Variants in NDFIP1 observed in about 807,000 individuals in gnomAD.
NDFIP1 encodes Nedd4 family interacting protein 1.
A neutral mutation model predicts 28.8 loss-of-function variants in NDFIP1; 7 were observed. That is an observed-to-expected ratio of 0.24 (90% CI 0.14 to 0.46). NDFIP1 has a LOEUF of 0.46. NDFIP1 is among the 20% of genes least tolerant of loss of function. NDFIP1 has a pLI of 0.99. For missense variants in NDFIP1, 194 were observed against 269.1 expected, an observed-to-expected ratio of 0.72 and a Z score of 1.95; for synonymous variants, 92 against 101.0, an observed-to-expected ratio of 0.91 and a Z score of 0.53.
intron 1 of NDFIP1, among the ~76,000 whole-genome samples, chr5:142,119,340 T>G (rs1757100203): frequency 6.6e-6 from 1 of 152,258 alleles, no homozygotes; most frequent in African/African-American, 2.4e-5. Flanking sequence ...GGAAATAGTA[T>G]TATAACCACT....
At chr5:142,141,337 G>T (rs1460215998) in intron 6 of NDFIP1, among the ~76,000 whole-genome samples, 1 of 151,422 alleles carries the variant, frequency 6.6e-6, no homozygotes, top group South Asian at 2.1e-4. Flanking sequence ...CACCACGCCC[G>T]GCTAATTTTT....
intron 6 of NDFIP1, among the ~76,000 whole-genome samples, chr5:142,141,482 A>G (rs1757331840): frequency 6.6e-6 from 1 of 151,800 alleles, no homozygotes; most frequent in African/African-American, 2.4e-5. Flanking sequence ...GGCCTGGATT[A>G]TATTTTTTAC....
intron 3 of NDFIP1, among the ~76,000 whole-genome samples, chr5:142,133,589 G>A (rs887698317): frequency 3.3e-5 from 5 of 152,172 alleles, no homozygotes; most frequent in African/African-American, 1.2e-4. Flanking sequence ...CTGCAGATCT[G>A]TTGCAATATA....
In NDFIP1 at chr5:142,140,127, C is replaced by T. The variant is rs181118624; in HGVS notation, c.496-436C>T. Among the ~76,000 whole-genome samples the T allele has an allele frequency of 2.0e-5, 3 of 152,072 alleles. No homozygotes were observed. In the East Asian group the frequency reaches 5.8e-4, roughly 29 times the overall value. On this transcript the variant is annotated intron_variant, in intron 5 of 7. Coordinates refer to ENST00000253814, the MANE Select transcript of NDFIP1 (RefSeq NM_030571.4). The stretch of plus-strand genomic sequence containing the variant: ...CTTTCACTTATATTTTAAAATTATT[C>T]TAAAGGCTAAGTGATGGCATTGGTA...
intron 1 of NDFIP1, 90 bp from the exon 2 acceptor site, chr5:142,131,717 GC>G: frequency 4.2e-6 from 4 of 954,300 alleles, no homozygotes; most frequent in Non-Finnish European, 6.0e-6. Flanking sequence ...TTGCCAAATA[GC>G]TTTCGAGAAA....
chr5:142,129,858 C>A (rs1561601146), intron 1 of NDFIP1, among the ~76,000 whole-genome samples: 1 of 149,000 alleles, frequency 6.7e-6, no homozygotes, highest in Non-Finnish European at 1.5e-5. Context: ...TTTCAGTGAG[C>A]CGAGATCCCA....
rs115271471 is a variant in NDFIP1, at chr5:142,119,573, T to C, written c.63+10536T>C. Among the ~76,000 whole-genome samples the C allele has an allele frequency of 8.2e-3, 1,254 of 152,352 alleles. 19 individuals are homozygous for C. The highest frequency in any genetic ancestry group is 0.029 in the African/African-American group (1,203 of 41,582). On this transcript the variant is annotated intron_variant, in intron 1 of 7. Transcript: ENST00000253814. Reference sequence around the variant, plus strand: ...ACCTTGAGATTCTTTCTTTGTGCTATCAAGTTCTATAAATTTTCACAAATG... The same window carrying C: ...ACCTTGAGATTCTTTCTTTGTGCTACCAAGTTCTATAAATTTTCACAAATG...
intron 3 of NDFIP1, 117 bp downstream of exon 3, chr5:142,132,459 T>C: frequency 7.7e-7 from 1 of 1,293,524 alleles, no homozygotes; most frequent in South Asian, 1.5e-5. Flanking sequence ...AGAGCTAATT[T>C]TAAAAATCAG....
intron 7 of NDFIP1, among the ~76,000 whole-genome samples, chr5:142,147,904 A>G (rs1757407009): frequency 6.6e-6 from 1 of 152,220 alleles, no homozygotes. Flanking sequence ...TGCAAGTAGA[A>G]AGCTGGGAAT....
chr5:142,125,625 G>T (rs1757162933), intron 1 of NDFIP1, among the ~76,000 whole-genome samples: 1 of 152,202 alleles, frequency 6.6e-6, no homozygotes, highest in African/African-American at 2.4e-5. Flanking sequence ...CTCCCAAAGT[G>T]CTGGGATTGC....
Position 142,140,610 on chromosome 5 carries a change from G to A in NDFIP1, c.543G>A (p.Trp181Ter). The change falls in exon 6 of 8, where the codon TGG (tryptophan) becomes TGA (stop). Residue 181 changes from tryptophan to a stop codon, truncating the protein, a stop_gained. Transcript: ENST00000253814. LOFTEE classifies it high-confidence loss of function. The stretch of plus-strand genomic sequence containing the variant: ...ATTTTGATGGTCAGTACTGGCTCTG[G>A]TGGGTGTTCCTTGTTTTAGGTAAGT... ...PGYFDGQYWL[W>*]WVFLVLGFLL... is the part of the protein sequence containing the mutation. 2 of 1,612,022 alleles carry A rather than the reference G, an allele frequency of 1.2e-6. No individual in the cohort carries two copies. Among genetic ancestry groups the A allele is most frequent in the Non-Finnish European group, 1.7e-6 (2 of 1,179,316 alleles).
At chr5:142,125,579 C>CA (rs1757162551) in intron 1 of NDFIP1, among the ~76,000 whole-genome samples, 1 of 152,116 alleles carries the variant, frequency 6.6e-6, no homozygotes, top group African/African-American at 2.4e-5. Context: ...AGGCTGGTCT[C>CA]AGACTCCTGG....
chr5:142,141,405 T>C (rs1284741924), intron 6 of NDFIP1, among the ~76,000 whole-genome samples: 1 of 151,874 alleles, frequency 6.6e-6, no homozygotes, highest in Non-Finnish European at 1.5e-5. Flanking sequence ...CTCGATCTCC[T>C]GACTTTGTGA....
At chr5:142,126,955 A>G (rs1050347965) in intron 1 of NDFIP1, among the ~76,000 whole-genome samples, 6 of 151,854 alleles carry the variant, frequency 4.0e-5, no homozygotes, top group Non-Finnish European at 2.9e-5. Context: ...TTTAATAACA[A>G]TAGGACCTAG....
intron 6 of NDFIP1, chr5:142,142,917 C>CAAAAAAAAAA (rs1171333662): frequency 6.9e-5 from 3 of 43,202 alleles, no homozygotes; most frequent in East Asian, 4.7e-4. Context: ...GATTCCATCT[C>CAAAAAAAAAA]AAAAAAAAAA....
intron 1 of NDFIP1, among the ~76,000 whole-genome samples, chr5:142,119,195 G>A (rs1757098242): frequency 6.6e-6 from 1 of 152,090 alleles, no homozygotes; most frequent in African/African-American, 2.4e-5. Context: ...GGTCACTCTA[G>A]CCTACTCCCC....
chr5:142,132,255 A>G lies in NDFIP1; in HGVS notation c.195A>G (p.Pro65=), dbSNP rs377051346. The change falls in exon 3 of 8, where the codon CCA becomes CCG. Residue 65 remains proline (P), a synonymous_variant. Transcript: ENST00000253814. The part of the protein sequence containing the change: ...YKDESGFPKP[P]SYNVATTLPS... Reference sequence around the variant, plus strand: ...ATGAGTCTGGGTTTCCAAAGCCCCCATCTTACAATGTAGCTACAACACTGC... The same window carrying G: ...ATGAGTCTGGGTTTCCAAAGCCCCCGTCTTACAATGTAGCTACAACACTGC... 2.4e-5 allele frequency: 39 copies of G among 1,614,182 alleles called. No homozygotes were observed. In the African/African-American group the frequency reaches 4.5e-4, roughly 19 times the overall value.
chr5:142,137,894 G>A, intron 5 of NDFIP1, 36 bp downstream of exon 5: 1 of 1,581,200 alleles, frequency 6.3e-7, no homozygotes, highest in Non-Finnish European at 8.6e-7. Context: ...GCTCTACAGA[G>A]AGGCAATAAT....
At chr5:142,129,911 CA>C (rs749420090) in intron 1 of NDFIP1, among the ~76,000 whole-genome samples, 2,956 of 62,642 alleles carry the variant, frequency 0.047, 61 homozygotes, top group African/African-American at 0.11. Flanking sequence ...AACTACATCT[CA>C]AAAAAAAAAA....
Sources: allele counts gnomAD v4.1 joint callset (sites outside exome capture counted in the v4.1 genomes callset), GRCh38; gene constraint gnomAD v4.1.1; transcripts MANE v1.5; gene names NCBI Gene and HGNC (gene_info 2026-07-23, HGNC 2026-07-21).